The following MAST1 variants were observed in gnomAD, a reference collection of about 807,000 sequenced individuals.
MAST1 encodes the protein microtubule-associated serine/threonine-protein kinase 1.
A neutral mutation model predicts 124.6 loss-of-function variants in MAST1; 40 were observed. That is an observed-to-expected ratio of 0.32 (90% CI 0.25 to 0.42). MAST1 has a LOEUF of 0.42. MAST1 is among the 10% of genes least tolerant of loss of function. MAST1 has a pLI of 1.00. For missense variants in MAST1, 1,558 were observed against 2,181.9 expected (o/e 0.71, Z 5.70); for synonymous variants, 938 against 939.4 (o/e 1.00, Z 0.03).
chr19:12,868,984 GC>G, intron 21 of MAST1, 81 bp from the exon 22 acceptor site: 1 of 1,545,500 alleles, frequency 6.5e-7, no homozygotes, highest in Non-Finnish European at 8.9e-7. Flanking sequence ...CTCTGCCACT[GC>G]CTTGGGAGGA....
chr19:12,868,637 T>A lies in MAST1; in HGVS notation c.2567-6T>A, dbSNP rs1244810365. ...TAATTCCTAACACACTTGCTTTCTG[T>A]TGCAGCTGACCGTCCACGCCCAGGT... On this transcript the variant is annotated splice_polypyrimidine_tract_variant and splice_region_variant and intron_variant, in intron 20 of 25. Coordinates refer to ENST00000251472, the MANE Select transcript of MAST1 (RefSeq NM_014975.3). 6.3e-7 allele frequency: 1 copy of A among 1,575,730 alleles called. No homozygotes were observed. The highest frequency in any genetic ancestry group is 2.3e-5 in the East Asian group (1 of 44,296).
At chr19:12,840,384 G>C in intron 1 of MAST1, 62 bp from the exon 2 acceptor site, 1 of 1,038,696 alleles carries the variant, frequency 9.6e-7, no homozygotes, top group South Asian at 1.3e-5. Context: ...GTCAGCTGGT[G>C]GGGCTCAAGA....
rs547913081 is a variant in MAST1 at position 12,841,010 on chromosome 19, C to T, written c.192C>T (p.Ser64=). The T allele has an allele frequency of 2.9e-6, 4 of 1,384,986 alleles. No individual in the cohort carries two copies. Among genetic ancestry groups the T allele is most frequent in the African/African-American group, 1.4e-5 (1 of 70,936 alleles). The allele number at this position is 1,384,986 out of a possible 1,614,324, so 85.8% of individuals were successfully genotyped here. ...PGHLGSSPLD[S]PRNFSPNTPA... is the part of the protein sequence containing the mutation. ...TCATAGGCAGCAGTCCCCTGGACAG[C>T]CCCCGAAACTTCTCCCCCAACACCC... The change falls in exon 3 of 26, where the codon AGC becomes AGT. Residue 64 remains serine (S), a synonymous_variant. Transcript: ENST00000251472. The surrounding 1 kb of genome is among the most constrained non-coding windows in gnomAD (Gnocchi z 4.3).
chr19:12,874,853 G>A lies in MAST1; in HGVS notation c.4696G>A (p.Ala1566Thr), dbSNP rs1226893639. 1.9e-6 allele frequency: 3 copies of A among 1,597,810 alleles called. No individual in the cohort carries two copies. The highest frequency in any genetic ancestry group is 2.2e-5 in the East Asian group (1 of 44,456). ...GLTKKGVSSP[A>T]PPGP ...GACCAAAAAAGGAGTGTCCAGTCCC[G>A]CACCCCCGGGACCATAGCCAAGGGG... The change falls in exon 26 of 26, where the codon GCA becomes ACA. Residue 1566 changes from alanine (A) to threonine (T), a missense_variant. Ala to Thr is a moderately conservative substitution (Grantham distance 58). Around this residue, in one of 10 missense-constraint regions of MAST1, gnomAD observed 168 missense variants for 154.3 expected, o/e 1.09. Coordinates refer to ENST00000251472, the MANE Select transcript of MAST1 (RefSeq NM_014975.3). The surrounding 1 kb of genome is among the most constrained non-coding windows in gnomAD (Gnocchi z 6.6).
At chr19:12,844,927 T>A (rs1197927869) in intron 4 of MAST1, among the ~76,000 whole-genome samples, 1 of 152,052 alleles carries the variant, frequency 6.6e-6, no homozygotes, top group Non-Finnish European at 1.5e-5. Flanking sequence ...AGGCTATAGA[T>A]AATGCACACT....
chr19:12,856,697 CAGAG>C (rs1472739560), intron 10 of MAST1, among the ~76,000 whole-genome samples: 2 of 152,190 alleles, frequency 1.3e-5, no homozygotes, highest in African/African-American at 4.8e-5. Context: ...AATCCATAGA[CAGAG>C]AGTTTCCTCA....
At chr19:12,851,730 C>A (rs1234603716) in intron 7 of MAST1, among the ~76,000 whole-genome samples, 1 of 152,232 alleles carries the variant, frequency 6.6e-6, no homozygotes, top group Non-Finnish European at 1.5e-5. Flanking sequence ...AAGTGATCCA[C>A]CCACCTCAGC....
rs757032785 is a variant in MAST1, at chr19:12,847,773, C to G, written c.565-75C>G. The G allele has an allele frequency of 2.5e-6, 4 of 1,580,374 alleles. No homozygotes were observed. Among genetic ancestry groups the G allele is most frequent in the Non-Finnish European group, 3.4e-6 (4 of 1,159,778 alleles). On this transcript the variant is annotated intron_variant, in intron 6 of 25. Coordinates refer to ENST00000251472, the MANE Select transcript of MAST1 (RefSeq NM_014975.3). The surrounding 1 kb of genome is among the most constrained non-coding windows in gnomAD (Gnocchi z 5.5). ...ATCCCCGCGCGCCCCCTGGCGGCCT[C>G]GGTGCGCAGCGCAGGCTCCTGGCGG...
chr19:12,863,534 T>C (rs1013952413), intron 12 of MAST1, among the ~76,000 whole-genome samples: 1 of 152,208 alleles, frequency 6.6e-6, no homozygotes, highest in Non-Finnish European at 1.5e-5. Context: ...ATCAGGAAAC[T>C]CTCCATCTCT....
At position 12,874,762 on chromosome 19, in the gene MAST1, A is replaced by G. The variant is rs11085822; in HGVS notation, c.4605A>G (p.Ser1535=). The G allele has an allele frequency of 0.31, 489,713 of 1,602,122 alleles. 80,530 individuals carry two copies. The highest frequency in any genetic ancestry group is 0.66 in the East Asian group (29,501 of 44,392). ...TCCCACCCGCATCCCTCTTGGGCTC[A>G]GGCACCAAGCCTCAAGTGGGGCTGA... ...TPVPPASLLG[S]GTKPQVGLTS... The change falls in exon 26 of 26, where the codon TCA becomes TCG. Residue 1535 remains serine (S), a synonymous_variant. Coordinates refer to ENST00000251472, the MANE Select transcript of MAST1 (RefSeq NM_014975.3). The surrounding 1 kb of genome is among the most constrained non-coding windows in gnomAD (Gnocchi z 6.6).
Position 12,846,870 on chromosome 19 carries a change from C to CAAAAA in MAST1, c.328-400_328-396dup, listed in dbSNP as rs386388580. Among the ~76,000 whole-genome samples the CAAAAA allele has an allele frequency of 4.8e-3, 225 of 46,948 alleles. 6 individuals carry two copies. Among genetic ancestry groups the CAAAAA allele is most frequent in the East Asian group, 0.012 (17 of 1,424 alleles). 30.8% of individuals were successfully genotyped at this position (46,948 alleles called of 152,430 possible). A position where few individuals can be genotyped will look rare whatever the true frequency, so the allele number is the denominator to read the frequency against. On this transcript the variant is annotated intron_variant, in intron 4 of 25. Coordinates refer to ENST00000251472, the MANE Select transcript of MAST1 (RefSeq NM_014975.3). Reference sequence around the variant, plus strand: ...AGGCAACAAGAACGAAACTCCATCTCAAAAAAAAAAAAAAAAAAAAAAAAG... The same window carrying CAAAAA: ...AGGCAACAAGAACGAAACTCCATCTCAAAAAAAAAAAAAAAAAAAAAAAAAAAAAG...
At chr19:12,858,470 A>T in intron 11 of MAST1, 29 bp downstream of exon 11, 1 of 1,610,766 alleles carries the variant, frequency 6.2e-7, no homozygotes. Flanking sequence ...TGGCGGGGGG[A>T]GGGTGGCGGA....
intron 4 of MAST1, among the ~76,000 whole-genome samples, chr19:12,844,174 G>C (rs917316825): frequency 6.6e-6 from 1 of 152,128 alleles, no homozygotes; most frequent in Non-Finnish European, 1.5e-5. Flanking sequence ...TTTACAGCTG[G>C]TGACATAAGG....
At chr19:12,860,812 A>G (rs763963632) in intron 12 of MAST1, among the ~76,000 whole-genome samples, 2 of 151,756 alleles carry the variant, frequency 1.3e-5, no homozygotes, top group Non-Finnish European at 1.5e-5. Context: ...ATTGTCCAAA[A>G]CCACACATGC....
intron 4 of MAST1, among the ~76,000 whole-genome samples, chr19:12,846,760 C>A (rs1053961462): frequency 4.6e-5 from 7 of 151,876 alleles, no homozygotes; most frequent in Non-Finnish European, 8.8e-5. Flanking sequence ...CACCTGTAAT[C>A]CCAGCTACTT....
chr19:12,858,411 C>T lies in MAST1; in HGVS notation c.1127C>T (p.Thr376Ile). Residue 376 changes from threonine (T) to isoleucine (I), a missense_variant, in exon 11 of 26, where the codon ACC (threonine) becomes ATC (isoleucine). Physicochemically the swap from Thr to Ile is moderately conservative, Grantham distance 89. Coordinates refer to ENST00000251472, the MANE Select transcript of MAST1 (RefSeq NM_014975.3). ...KKPPGENDFD[T>I]IKLISNGAYG... is the part of the protein sequence containing the mutation. ...CCGCCGGGGGAGAATGACTTCGATACCATCAAGCTCATAAGCAACGGTGCC... is the reference window on the plus strand; with the variant it reads ...CCGCCGGGGGAGAATGACTTCGATATCATCAAGCTCATAAGCAACGGTGCC... 6.2e-7 allele frequency: 1 copy of T among 1,613,988 alleles called. No individual in the cohort carries two copies. Among genetic ancestry groups the T allele is most frequent in the Non-Finnish European group, 8.5e-7 (1 of 1,179,982 alleles).
chr19:12,874,006 C>G lies in MAST1; in HGVS notation c.3849C>G (p.Arg1283=), dbSNP rs935623817. ...SLSADKKGAL[R]KHSLEVGHPD... ...GTGCGGACAAGAAGGGCGCGCTGCG[C>G]AAACACAGCCTCGAGGTGGGCCACC... Residue 1283 remains arginine, a synonymous_variant, in exon 26 of 26, where the codon CGC becomes CGG. Transcript: ENST00000251472. This position sits in a 1 kb window ranked among gnomAD's most constrained non-coding sequence, Gnocchi z 6.6. 6.2e-7 allele frequency: 1 copy of G among 1,605,438 alleles called. No individual in the cohort carries two copies. The highest frequency in any genetic ancestry group is 2.2e-5 in the East Asian group (1 of 44,786).
intron 10 of MAST1, among the ~76,000 whole-genome samples, chr19:12,856,536 T>A (rs148598505): frequency 1.1e-3 from 175 of 152,228 alleles, no homozygotes; most frequent in African/African-American, 4.1e-3. Context: ...ACTCCTGACC[T>A]TCAGGTGATC....
At position 12,843,657 on chromosome 19, in the gene MAST1, C is replaced by A. The variant is rs369179397; in HGVS notation, c.327+50C>A. ...GGCCGGTGGGTAAGGAATTCAGGGG[C>A]CCTCCAGCCTGAAGACCCACACCCA... On this transcript the variant is annotated intron_variant, in intron 4 of 25. Transcript: ENST00000251472. The surrounding 1 kb of genome is among the most constrained non-coding windows in gnomAD (Gnocchi z 4.9). The A allele has an allele frequency of 1.3e-6, 2 of 1,548,416 alleles. No homozygotes were observed. Among genetic ancestry groups the A allele is most frequent in the African/African-American group, 2.7e-5 (2 of 73,300 alleles).
Sources: gnomAD v4.1 joint callset for allele counts (sites outside exome capture counted in the v4.1 genomes callset) on GRCh38, gnomAD v4.1.1 for gene constraint, gnomAD v4.1.1 regional missense constraint, Gnocchi (gnomAD v3.1) non-coding constraint, MANE v1.5 for transcripts, NCBI Gene and HGNC (gene_info 2026-07-23, HGNC 2026-07-21) for gene names.